RSPH14: variants seen among roughly 807,000 people sequenced by gnomAD.
RSPH14 encodes radial spoke head 14 homolog, also known as rhabdoid tumor deletion region gene 1.
Under a neutral mutation model 26.7 loss-of-function variants are expected in RSPH14, and 20 were observed. The ratio of observed to expected loss-of-function variants is 0.75; its 90% CI spans 0.53 to 1.09. The LOEUF (loss-of-function observed/expected upper bound fraction) is 1.09. RSPH14 is among the 50% of genes least tolerant of loss of function. RSPH14 has a pLI of 0.00. For missense variants in RSPH14, 449 were observed against 457.2 expected, an observed-to-expected ratio of 0.98 and a Z score of 0.16; for synonymous variants, 177 against 189.3, an observed-to-expected ratio of 0.93 and a Z score of 0.53.
the RSPH14 span, among the ~76,000 whole-genome samples, chr22:23,156,938 C>T: frequency 6.6e-6 from 1 of 152,196 alleles, no homozygotes; most frequent in Non-Finnish European, 1.5e-5. Flanking sequence ...TTTCTCTTCC[C>T]ATCTGCCTTG....
chr22:23,102,921 A>G (rs2069348172), intron 4 of RSPH14, among the ~76,000 whole-genome samples: 1 of 152,246 alleles, frequency 6.6e-6, no homozygotes, highest in African/African-American at 2.4e-5. Context: ...GAGGTCAGCC[A>G]GCGTGGGCTC....
intron 4 of RSPH14, chr22:23,095,520 G>T: frequency 3.0e-6 from 2 of 670,798 alleles, no homozygotes; most frequent in Non-Finnish European, 5.0e-6. Flanking sequence ...CGCCATGCCG[G>T]CTGGAGAAGA....
upstream of RSPH14, chr22:23,144,855 G>A (rs184413956): frequency 2.0e-3 from 313 of 153,900 alleles, 1 homozygote; most frequent in Non-Finnish European, 3.6e-3. Context: ...TTCGAAGCTG[G>A]TTCCACGGTT....
At chr22:23,087,665 G>T (rs986083019) in intron 4 of RSPH14, among the ~76,000 whole-genome samples, 5 of 152,220 alleles carry the variant, frequency 3.3e-5, no homozygotes, top group African/African-American at 1.2e-4. Context: ...TGGATGGGGG[G>T]TAGCCAGTGA....
chr22:23,176,694 G>T, the RSPH14 span, among the ~76,000 whole-genome samples: 1 of 152,058 alleles, frequency 6.6e-6, no homozygotes, highest in African/African-American at 2.4e-5. Flanking sequence ...CCCCTTCTCT[G>T]GGGTACCTTG....
chr22:23,170,520 G>A, the RSPH14 span, among the ~76,000 whole-genome samples: 8 of 151,940 alleles, frequency 5.3e-5, no homozygotes, highest in South Asian at 4.1e-4. Context: ...AGGCCGAGGC[G>A]GACAGACTGC....
the RSPH14 span, among the ~76,000 whole-genome samples, chr22:23,168,543 C>A: frequency 4.6e-5 from 7 of 152,318 alleles, no homozygotes; most frequent in Non-Finnish European, 7.3e-5. Flanking sequence ...GTGTGAGATG[C>A]GATGCCCTCC....
chr22:23,078,303 T>C (rs1467480284), intron 4 of RSPH14, among the ~76,000 whole-genome samples: 1 of 152,254 alleles, frequency 6.6e-6, no homozygotes, highest in Non-Finnish European at 1.5e-5. Context: ...TCTATTCATT[T>C]CCCTTAAACA....
At chr22:23,095,986 C>T (rs2069111757) in intron 4 of RSPH14, 2 of 1,610,016 alleles carry the variant, frequency 1.2e-6, no homozygotes, top group African/African-American at 1.3e-5. Context: ...ACTTCCACAA[C>T]CCCGACCGCG....
At chr22:23,177,728 A>T in the RSPH14 span, among the ~76,000 whole-genome samples, 2 of 152,172 alleles carry the variant, frequency 1.3e-5, no homozygotes, top group African/African-American at 4.8e-5. Flanking sequence ...CACTATCTGG[A>T]CGTGTCCTTG....
chr22:23,175,257 C>T, the RSPH14 span, among the ~76,000 whole-genome samples: 2 of 152,098 alleles, frequency 1.3e-5, no homozygotes, highest in African/African-American at 4.8e-5. Context: ...CTCGGCCTCC[C>T]AAAGTGCTGG....
chr22:23,069,582 GCT>G (rs898286249), intron 4 of RSPH14, among the ~76,000 whole-genome samples: 3 of 152,134 alleles, frequency 2.0e-5, no homozygotes, highest in African/African-American at 7.2e-5. Flanking sequence ...AACTGAACTG[GCT>G]CTCTCACGCT....
intron 4 of RSPH14, among the ~76,000 whole-genome samples, chr22:23,082,783 G>A: frequency 6.6e-6 from 1 of 152,102 alleles, no homozygotes. Context: ...GAAGTGTGAG[G>A]TTTTCTAGCA....
chr22:23,095,569 C>A, intron 4 of RSPH14: 2 of 1,045,772 alleles, frequency 1.9e-6, no homozygotes, highest in Non-Finnish European at 2.7e-6. Context: ...TCGGCCTCAC[C>A]CCCCTGCTGG....
At chr22:23,153,240 G>C in the RSPH14 span, 1 of 848,926 alleles carries the variant, frequency 1.2e-6, no homozygotes, top group Admixed American at 2.0e-5. Flanking sequence ...GACTAGTCTA[G>C]ACAAGCAGAG....
chr22:23,145,242 G>GCCCCCCCC, upstream of RSPH14: 5 of 837,614 alleles, frequency 6.0e-6, no homozygotes, highest in South Asian at 4.7e-5. Flanking sequence ...GGCCTCCATA[G>GCCCCCCCC]CCCCGCCCAC....
intron 6 of RSPH14, among the ~76,000 whole-genome samples, chr22:23,061,551 AG>A: frequency 6.6e-6 from 1 of 152,290 alleles, no homozygotes; most frequent in East Asian, 1.9e-4. Context: ...TTCCAGGCCC[AG>A]GGAACAGACT....
chr22:23,123,497 T>C, intron 4 of RSPH14: 2 of 1,031,714 alleles, frequency 1.9e-6, no homozygotes, highest in Non-Finnish European at 2.9e-6. Flanking sequence ...CAACGCGTGC[T>C]AGAGAGGCCC....
chr22:23,076,542 T>G (rs1310826166), intron 4 of RSPH14, among the ~76,000 whole-genome samples: 3 of 152,126 alleles, frequency 2.0e-5, no homozygotes, highest in Admixed American at 6.5e-5. Flanking sequence ...CAAACCACCC[T>G]CAGGTGGATG....
Sources: gnomAD v4.1 joint callset for allele counts (sites outside exome capture counted in the v4.1 genomes callset) on GRCh38, gnomAD v4.1.1 for gene constraint, MANE v1.5 for transcripts, NCBI Gene and HGNC (gene_info 2026-07-23, HGNC 2026-07-21) for gene names.